Variants in CPQ observed in about 807,000 individuals in gnomAD.
CPQ encodes Ser-Met dipeptidase.
In CPQ, 37 loss-of-function variants were observed where a neutral mutation model predicts 45.7. The ratio of observed to expected loss-of-function variants is 0.81; its 90% CI spans 0.62 to 1.07. The LOEUF (loss-of-function observed/expected upper bound fraction) is 1.07. Among genes scored for constraint, CPQ ranks in the 50% least tolerant of loss-of-function variants. CPQ has a pLI of 0.00. For synonymous variants in CPQ, 186 were observed against 205.8 expected (o/e 0.90, Z 0.82); for missense variants, 537 against 572.9 (o/e 0.94, Z 0.64).
intron 1 of CPQ, among the ~76,000 whole-genome samples, chr8:96,652,157 A>G (rs1030371619): frequency 6.6e-6 from 1 of 152,214 alleles, no homozygotes; most frequent in Admixed American, 6.5e-5. Context: ...GGTAAGCACC[A>G]TTCTACTCTA....
intron 7 of CPQ, among the ~76,000 whole-genome samples, chr8:97,125,717 A>G (rs1339444475): frequency 6.6e-6 from 1 of 152,218 alleles, no homozygotes; most frequent in Non-Finnish European, 1.5e-5. Flanking sequence ...AGGAATAGTG[A>G]CAGCTTCCTC....
rs537686336 is a variant in CPQ at position 97,005,088 on chromosome 8, CT to C, written c.962-24304del. ...TCTGTAGGAACTGAGTATTTATGAT[CT>C]TTTTTTTTTTGAGATGGAGTCTCAC... On this transcript the variant is annotated intron_variant, in intron 5 of 7. Coordinates refer to ENST00000220763, the MANE Select transcript of CPQ (RefSeq NM_016134.4). Among the ~76,000 whole-genome samples the C allele has an allele frequency of 9.1e-4, 132 of 145,528 alleles. No homozygotes were observed. In the East Asian group the frequency reaches 0.017, roughly 19 times the overall value.
At chr8:96,702,456 T>C (rs1809476341) in intron 1 of CPQ, among the ~76,000 whole-genome samples, 1 of 152,214 alleles carries the variant, frequency 6.6e-6, no homozygotes, top group Non-Finnish European at 1.5e-5. Flanking sequence ...CTCTTCTGTA[T>C]CCATCACATG....
chr8:96,951,744 A>G (rs1813269052), intron 4 of CPQ, among the ~76,000 whole-genome samples: 1 of 152,048 alleles, frequency 6.6e-6, no homozygotes, highest in African/African-American at 2.4e-5. Flanking sequence ...ACTCCCTCTA[A>G]TTCAAACTGG....
intron 1 of CPQ, among the ~76,000 whole-genome samples, chr8:96,685,268 T>G (rs1227703573): frequency 6.6e-6 from 1 of 152,194 alleles, no homozygotes; most frequent in African/African-American, 2.4e-5. Flanking sequence ...TCAATTTTAA[T>G]GGGTTCTGAG....
chr8:96,889,416 T>C (rs1812345458), intron 4 of CPQ, among the ~76,000 whole-genome samples: 2 of 152,096 alleles, frequency 1.3e-5, no homozygotes, highest in Admixed American at 1.3e-4. Flanking sequence ...TTTGGGTGAG[T>C]AGGAGAATTC....
At chr8:96,784,477 G>T (rs1279526681) in intron 1 of CPQ, among the ~76,000 whole-genome samples, 1 of 152,012 alleles carries the variant, frequency 6.6e-6, no homozygotes, top group Non-Finnish European at 1.5e-5. Context: ...CAGGCAAAGA[G>T]GAGAGAACAC....
chr8:96,783,712 T>G (rs1461742079), intron 1 of CPQ, among the ~76,000 whole-genome samples: 1 of 152,140 alleles, frequency 6.6e-6, no homozygotes. Flanking sequence ...CTGTCTGTGC[T>G]GCTTAATATA....
chr8:97,001,581 T>C (rs1809280895), intron 5 of CPQ, among the ~76,000 whole-genome samples: 1 of 152,084 alleles, frequency 6.6e-6, no homozygotes, highest in Admixed American at 6.6e-5. Context: ...AACTTGCATC[T>C]TGGGGTTGAA....
intron 5 of CPQ, among the ~76,000 whole-genome samples, chr8:96,986,913 TA>T (rs759038041): frequency 4.6e-5 from 7 of 152,154 alleles, no homozygotes; most frequent in Non-Finnish European, 1.0e-4. Flanking sequence ...TTAGAGTTAC[TA>T]TATTGAAATC....
At chr8:96,882,433 TC>T (rs756342429) in intron 4 of CPQ, among the ~76,000 whole-genome samples, 2 of 152,204 alleles carry the variant, frequency 1.3e-5, no homozygotes, top group African/African-American at 2.4e-5. Flanking sequence ...AGTCAGTAGT[TC>T]CAGGGTAAAG....
In CPQ at chr8:96,980,423, G is replaced by A. The variant is rs200309295; in HGVS notation, c.961+14377G>A. Among the ~76,000 whole-genome samples the A allele has an allele frequency of 1.2e-4, 18 of 152,220 alleles. No homozygotes were observed. In the East Asian group the frequency reaches 3.3e-3, roughly 28 times the overall value. On this transcript the variant is annotated intron_variant, in intron 5 of 7. Transcript: ENST00000220763. ...GCTGGGATTACAGGCATTAGCCACC[G>A]TGCCCAGCCTAAATTATTTAACATT...
chr8:96,702,325 G>A (rs948416213), intron 1 of CPQ, among the ~76,000 whole-genome samples: 4 of 152,212 alleles, frequency 2.6e-5, no homozygotes, highest in African/African-American at 9.6e-5. Context: ...TCCCGTGTGG[G>A]CCTCCCGAAG....
At chr8:96,910,062 T>C (rs1048548900) in intron 4 of CPQ, among the ~76,000 whole-genome samples, 2 of 152,124 alleles carry the variant, frequency 1.3e-5, no homozygotes, top group African/African-American at 4.8e-5. Context: ...TAGTGTCAGT[T>C]CTCTTTATCC....
At chr8:96,891,443 G>C (rs1812375308) in intron 4 of CPQ, among the ~76,000 whole-genome samples, 1 of 152,178 alleles carries the variant, frequency 6.6e-6, no homozygotes, top group African/African-American at 2.4e-5. Flanking sequence ...AGCCGGGTCA[G>C]CTTGGTGAGT....
chr8:96,858,377 A>G (rs988823526), intron 3 of CPQ, among the ~76,000 whole-genome samples: 1 of 152,116 alleles, frequency 6.6e-6, no homozygotes, highest in Admixed American at 6.5e-5. Flanking sequence ...ATAATCTTCT[A>G]CCTACTTTGA....
intron 1 of CPQ, among the ~76,000 whole-genome samples, chr8:96,685,212 TTTG>T (rs1416767679): frequency 1.3e-5 from 2 of 152,170 alleles, no homozygotes; most frequent in Non-Finnish European, 2.9e-5. Context: ...GTTTTGATTT[TTTG>T]TTATGAAATA....
chr8:96,987,350 G>C (rs1033061402), intron 5 of CPQ, among the ~76,000 whole-genome samples: 4 of 152,096 alleles, frequency 2.6e-5, no homozygotes, highest in Admixed American at 2.0e-4. Context: ...GGGAAGCTTC[G>C]CTTTGGGGAG....
intron 4 of CPQ, among the ~76,000 whole-genome samples, chr8:96,932,430 C>T (rs1392845621): frequency 6.6e-6 from 1 of 152,108 alleles, no homozygotes; most frequent in Non-Finnish European, 1.5e-5. Flanking sequence ...TTTTATTCAA[C>T]ATTATTATTA....
Sources: allele counts gnomAD v4.1 joint callset (sites outside exome capture counted in the v4.1 genomes callset), GRCh38; gene constraint gnomAD v4.1.1; transcripts MANE v1.5; gene names NCBI Gene and HGNC (gene_info 2026-07-23, HGNC 2026-07-21).